FHIT: variants seen among roughly 807,000 people sequenced by gnomAD.
FHIT encodes fragile histidine triad diadenosine triphosphatase, also known as bis(5'-adenosyl)-triphosphatase.
FHIT carries 19 observed loss-of-function variants against 17.9 expected under a neutral mutation model. The ratio of observed to expected loss-of-function variants is 1.06; its 90% CI spans 0.74 to 1.56. FHIT has a LOEUF of 1.56. Ranked by LOEUF, FHIT falls within the 40% of genes most tolerant of loss-of-function variation. The pLI, the probability that FHIT is intolerant of heterozygous loss-of-function variation, is 0.00. For missense variants in FHIT, 248 were observed against 189.2 expected (o/e 1.31, Z -1.82); for synonymous variants, 81 against 69.7 (o/e 1.16, Z -0.81).
Position 60,114,562 on chromosome 3 carries a change from CA to C in FHIT, c.104-100411del, listed in dbSNP as rs376787038. On this transcript the variant is annotated intron_variant, in intron 5 of 9. Coordinates refer to ENST00000492590, the MANE Select transcript of FHIT (RefSeq NM_002012.4). ...CCAGGCCTGAGTGAAGGTGCAATCT[CA>C]GCTCACTGCACTCTTCACCTCCTGG... Among the ~76,000 whole-genome samples, 877 of 132,312 alleles carry C rather than the reference CA, an allele frequency of 6.6e-3. 5 individuals carry two copies. The highest frequency in any genetic ancestry group is 9.6e-3 in the Admixed American group (113 of 11,790). 86.8% of individuals were successfully genotyped at this position (132,312 alleles called of 152,430 possible).
At chr3:60,555,277 G>A (rs536570029) in intron 4 of FHIT, among the ~76,000 whole-genome samples, 1 of 152,296 alleles carries the variant, frequency 6.6e-6, no homozygotes, top group African/African-American at 2.4e-5. Context: ...TAGCCTCTGT[G>A]TTATGTCCCC....
intron 5 of FHIT, among the ~76,000 whole-genome samples, chr3:60,036,573 C>T (rs1701226334): frequency 1.3e-5 from 2 of 152,146 alleles, no homozygotes; most frequent in African/African-American, 4.8e-5. Context: ...ATACTTAAAA[C>T]AATATTAAAA....
rs570504217 is a variant in FHIT at position 60,325,810 on chromosome 3, A to G, written c.103+211050T>C. Reference sequence around the variant, plus strand: ...TTTACTGTAGTGGAGAGGACCAGGAAGGAGATTCGCTTTATAGGATAATCA... The same window carrying G: ...TTTACTGTAGTGGAGAGGACCAGGAGGGAGATTCGCTTTATAGGATAATCA... On this transcript the variant is annotated intron_variant, in intron 5 of 9. Transcript: ENST00000492590. 9.2e-5 allele frequency among the ~76,000 whole-genome samples: 14 copies of G among 152,334 alleles called. No homozygotes were observed. The East Asian group carries it at 2.5e-3, about 27-fold the overall frequency.
chr3:60,376,576 A>T (rs1569354), intron 5 of FHIT, among the ~76,000 whole-genome samples: 99,638 of 152,028 alleles, frequency 0.66, 32,847 homozygotes, highest in African/African-American at 0.72. Context: ...GAAAATGATG[A>T]CACTTCTCTG....
intron 8 of FHIT, 135 bp downstream of exon 8, chr3:59,922,211 T>G (rs1028581655): frequency 3.9e-6 from 3 of 774,358 alleles, no homozygotes; most frequent in African/African-American, 3.5e-5. Flanking sequence ...TTGGCCTCTA[T>G]TGCCACTTTC....
At chr3:59,751,674 C>T in intron 9 of FHIT, 1 of 228,886 alleles carries the variant, frequency 4.4e-6, no homozygotes, top group East Asian at 6.2e-5. Context: ...TGACTTTTCC[C>T]TGTGGCCTGA....
At chr3:59,919,351 C>G (rs1321087233) in intron 8 of FHIT, among the ~76,000 whole-genome samples, 3 of 152,178 alleles carry the variant, frequency 2.0e-5, no homozygotes, top group African/African-American at 4.8e-5. Flanking sequence ...CTAATGATAT[C>G]TGCCACTTTG....
At chr3:60,729,481 T>C (rs1267611535) in intron 4 of FHIT, among the ~76,000 whole-genome samples, 1 of 152,198 alleles carries the variant, frequency 6.6e-6, no homozygotes, top group Non-Finnish European at 1.5e-5. Flanking sequence ...AAGTCTTACC[T>C]TTAAAAGCAA....
intron 1 of FHIT, among the ~76,000 whole-genome samples, chr3:61,205,597 T>C (rs1234153900): frequency 6.6e-6 from 1 of 152,340 alleles, no homozygotes; most frequent in Middle Eastern, 3.4e-3. Flanking sequence ...TTTTCATGTG[T>C]CTTTTGGCTG....
intron 8 of FHIT, among the ~76,000 whole-genome samples, chr3:59,818,317 C>T (rs954462342): frequency 6.6e-6 from 1 of 152,030 alleles, no homozygotes; most frequent in South Asian, 2.1e-4. Flanking sequence ...GAGAACACAG[C>T]GTGTGCAAGG....
chr3:59,817,858 A>G (rs894404388), intron 8 of FHIT, among the ~76,000 whole-genome samples: 1 of 152,106 alleles, frequency 6.6e-6, no homozygotes, highest in Admixed American at 6.5e-5. Flanking sequence ...ACTTTCAGAG[A>G]TCCACTAGCT....
chr3:60,477,719 T>G (rs1358013046), intron 5 of FHIT, among the ~76,000 whole-genome samples: 2 of 152,204 alleles, frequency 1.3e-5, no homozygotes, highest in African/African-American at 4.8e-5. Context: ...GATATAAACA[T>G]GTATAGAACA....
intron 7 of FHIT, among the ~76,000 whole-genome samples, chr3:59,926,777 C>G (rs891599712): frequency 6.6e-6 from 1 of 152,162 alleles, no homozygotes. Flanking sequence ...CCACACTGAG[C>G]TACTACTTCA....
intron 5 of FHIT, among the ~76,000 whole-genome samples, chr3:60,096,281 G>C (rs1576089162): frequency 1.5e-5 from 2 of 137,210 alleles, no homozygotes; most frequent in East Asian, 2.2e-4. Context: ...TGGGGATGCA[G>C]GGGTGGTCCC....
intron 5 of FHIT, among the ~76,000 whole-genome samples, chr3:60,225,662 G>A (rs1323930844): frequency 6.6e-6 from 1 of 152,124 alleles, no homozygotes; most frequent in East Asian, 1.9e-4. Context: ...TCAACAGGCT[G>A]TTCTGTTAAA....
chr3:60,096,725 G>T (rs2107120648), intron 5 of FHIT, among the ~76,000 whole-genome samples: 1 of 152,254 alleles, frequency 6.6e-6, no homozygotes, highest in East Asian at 1.9e-4. Flanking sequence ...TCAAGCTGAG[G>T]CAGACGCATG....
intron 8 of FHIT, among the ~76,000 whole-genome samples, chr3:59,919,837 C>T (rs1269758468): frequency 6.6e-6 from 1 of 152,196 alleles, no homozygotes; most frequent in Non-Finnish European, 1.5e-5. Flanking sequence ...CACTCCATCG[C>T]TTCTGATTAA....
chr3:60,585,018 G>C (rs1378215770), intron 4 of FHIT, among the ~76,000 whole-genome samples: 1 of 151,694 alleles, frequency 6.6e-6, no homozygotes, highest in East Asian at 1.9e-4. Flanking sequence ...CATCACTTCA[G>C]GCATCAACAA....
chr3:61,037,958 T>C (rs145627662), intron 3 of FHIT, among the ~76,000 whole-genome samples: 1 of 152,314 alleles, frequency 6.6e-6, no homozygotes, highest in East Asian at 1.9e-4. Context: ...GGAAAAGAAG[T>C]GCGCTCCAAA....
Sources: gnomAD v4.1 joint callset for allele counts (sites outside exome capture counted in the v4.1 genomes callset) on GRCh38, gnomAD v4.1.1 for gene constraint, MANE v1.5 for transcripts, NCBI Gene and HGNC (gene_info 2026-07-23, HGNC 2026-07-21) for gene names.